Variants in ZNF469 observed in about 807,000 individuals in gnomAD.
The protein encoded by ZNF469 is zinc finger protein 469.
A neutral mutation model predicts 1.0 loss-of-function variants in ZNF469; 1 was observed. The ratio of observed to expected loss-of-function variants is 1.00; its 90% CI spans 0.35 to 4.73. The LOEUF is 4.73. Among genes scored for constraint, ZNF469 ranks in the 30% most tolerant of loss-of-function variants. The pLI, the probability that ZNF469 is intolerant of heterozygous loss-of-function variation, is 0.16. For missense variants in ZNF469, 6,100 were observed against 5,356.3 expected, an observed-to-expected ratio of 1.14 and a Z score of -4.33; for synonymous variants, 2,703 against 2,363.4, an observed-to-expected ratio of 1.14 and a Z score of -4.17.
At chr16:88,337,899 T>C in the ZNF469 span, among the ~76,000 whole-genome samples, 1 of 152,220 alleles carries the variant, frequency 6.6e-6, no homozygotes. Flanking sequence ...CCTTCTCAGA[T>C]GGACGGTTTG....
chr16:88,225,313 T>C, the ZNF469 span, among the ~76,000 whole-genome samples: 3 of 152,254 alleles, frequency 2.0e-5, no homozygotes, highest in Non-Finnish European at 4.4e-5. Context: ...AATCCCTGCA[T>C]TGACTCGATT....
chr16:88,154,993 C>G, the ZNF469 span, among the ~76,000 whole-genome samples: 1 of 152,208 alleles, frequency 6.6e-6, no homozygotes, highest in African/African-American at 2.4e-5. Context: ...CATGAGCCAC[C>G]TGTACGGCAG....
At chr16:88,197,633 T>C in the ZNF469 span, among the ~76,000 whole-genome samples, 18 of 152,270 alleles carry the variant, frequency 1.2e-4, no homozygotes, top group African/African-American at 4.3e-4. Context: ...CTCCCCATGG[T>C]TCCTGGGGCC....
the ZNF469 span, among the ~76,000 whole-genome samples, chr16:88,125,455 G>A: frequency 6.6e-6 from 1 of 152,250 alleles, no homozygotes; most frequent in Non-Finnish European, 1.5e-5. Context: ...GAATCAGCAT[G>A]TCGGTTTCTA....
Position 88,438,915 on chromosome 16 carries a change from G to T in ZNF469, c.11445G>T (p.Thr3815=). ...LGPKEKGESS[T]KRKKGQVPGP... ...CCAAGGAGAAGGGAGAGAGCAGTAC[G>T]AAGAGGAAAAAGGGCCAGGTCCCAG... The change falls in exon 3 of 3, where the codon ACG becomes ACT. Residue 3815 remains threonine (T), a synonymous_variant. Transcript: ENST00000565624. 1 of 1,550,574 alleles carries T rather than the reference G, an allele frequency of 6.4e-7. No individual in the cohort carries two copies. Among genetic ancestry groups the T allele is most frequent in the Non-Finnish European group, 8.7e-7 (1 of 1,146,990 alleles).
chr16:88,365,765 G>A, the ZNF469 span, among the ~76,000 whole-genome samples: 2 of 152,286 alleles, frequency 1.3e-5, no homozygotes, highest in East Asian at 1.9e-4. Flanking sequence ...GGAGTCCTTT[G>A]CAATTACATC....
chr16:88,431,187 A>G lies in ZNF469; in HGVS notation c.3717A>G (p.Thr1239=), dbSNP rs1906151447. ...ETAEESAPDS[T]EFTEALRSPP... is the part of the protein sequence containing the mutation. Reference sequence around the variant, plus strand: ...CCGAAGAGTCAGCCCCGGACAGCACAGAATTCACAGAGGCTTTGCGTTCTC... The same window carrying G: ...CCGAAGAGTCAGCCCCGGACAGCACGGAATTCACAGAGGCTTTGCGTTCTC... The change falls in exon 3 of 3, where the codon ACA becomes ACG. Residue 1239 remains threonine (T), a synonymous_variant. Coordinates refer to ENST00000565624, the MANE Select transcript of ZNF469 (RefSeq NM_001367624.2). 1 of 1,550,336 alleles carries G rather than the reference A, an allele frequency of 6.5e-7. No individual in the cohort carries two copies. The highest frequency in any genetic ancestry group is 8.7e-7 in the Non-Finnish European group (1 of 1,146,978).
In ZNF469 at chr16:88,434,351, G is replaced by A; in HGVS notation, c.6881G>A (p.Gly2294Glu). 1 of 1,550,176 alleles carries A rather than the reference G, an allele frequency of 6.5e-7. No homozygotes were observed. Among genetic ancestry groups the A allele is most frequent in the Non-Finnish European group, 8.7e-7 (1 of 1,146,954 alleles). Residue 2294 changes from glycine to glutamate, a missense_variant, in exon 3 of 3, where the codon GGA becomes GAA. Transcript: ENST00000565624. ...RATGLSSTPT[G>E]DEAQAGRGLP... ...ACTGGCCTGTCCAGCACTCCCACCG[G>A]AGATGAGGCACAGGCAGGCAGGGGA...
At chr16:88,361,286 T>A in the ZNF469 span, among the ~76,000 whole-genome samples, 2 of 152,330 alleles carry the variant, frequency 1.3e-5, no homozygotes, top group East Asian at 3.9e-4. Flanking sequence ...CTTCCCTGGC[T>A]TACCTACTAC....
Position 88,436,814 on chromosome 16 carries a change from A to G in ZNF469, c.9344A>G (p.Tyr3115Cys), listed in dbSNP as rs1385193985. 10 of 1,540,110 alleles carry G rather than the reference A, an allele frequency of 6.5e-6. No homozygotes were observed. Among genetic ancestry groups the G allele is most frequent in the Non-Finnish European group, 8.7e-6 (10 of 1,146,066 alleles). ...GRPAKGRRAS[Y>C]KCKVCFQRFR... ...CCGGCCAAGGGCAGGCGGGCCTCCT[A>G]CAAGTGCAAAGTGTGCTTCCAGCGC... The change falls in exon 3 of 3, where the codon TAC becomes TGC. Residue 3115 changes from tyrosine (Y) to cysteine (C), a missense_variant. Transcript: ENST00000565624.
At chr16:88,248,682 T>C in the ZNF469 span, among the ~76,000 whole-genome samples, 353 of 152,320 alleles carry the variant, frequency 2.3e-3, 1 homozygote, top group African/African-American at 8.3e-3. Context: ...GAACTCAGCA[T>C]CATGGAACTT....
the ZNF469 span, among the ~76,000 whole-genome samples, chr16:88,313,185 T>C: frequency 2.6e-5 from 4 of 152,344 alleles, no homozygotes; most frequent in Middle Eastern, 3.4e-3. Context: ...TTCTGAGATA[T>C]CTTTTTGTTG....
the ZNF469 span, among the ~76,000 whole-genome samples, chr16:88,256,323 T>C: frequency 2.7e-4 from 41 of 152,246 alleles, no homozygotes; most frequent in African/African-American, 9.6e-4. Context: ...TTTTTAAGAC[T>C]GTCTTCTTTG....
At chr16:88,292,798 CAAAAAAAA>C in the ZNF469 span, among the ~76,000 whole-genome samples, 1 of 111,112 alleles carries the variant, frequency 9.0e-6, no homozygotes, top group African/African-American at 3.5e-5. Context: ...CCTGTGTTAT[CAAAAAAAA>C]AAAAAAAAAA....
upstream of ZNF469, among the ~76,000 whole-genome samples, chr16:88,380,790 AT>A (rs2092520536): frequency 1.1e-5 from 1 of 87,900 alleles, no homozygotes; most frequent in African/African-American, 1.3e-4. Flanking sequence ...ACTCACACAC[AT>A]GCACTCACAC....
the ZNF469 span, among the ~76,000 whole-genome samples, chr16:88,329,907 CG>C: frequency 6.6e-6 from 1 of 152,194 alleles, no homozygotes; most frequent in Non-Finnish European, 1.5e-5. Context: ...ACAAGCACCA[CG>C]GGCGCCCACA....
chr16:88,377,659 C>T, the ZNF469 span, among the ~76,000 whole-genome samples: 3 of 152,088 alleles, frequency 2.0e-5, no homozygotes, highest in African/African-American at 7.2e-5. Flanking sequence ...TTCCTCACTC[C>T]CCATCCTCCC....
the ZNF469 span, among the ~76,000 whole-genome samples, chr16:88,247,556 G>C: frequency 6.4e-3 from 831 of 129,200 alleles, 2 homozygotes; most frequent in Non-Finnish European, 0.011. Flanking sequence ...GAATGAATGA[G>C]TGACTGAGTG....
At chr16:88,233,259 G>A in the ZNF469 span, among the ~76,000 whole-genome samples, 1 of 152,216 alleles carries the variant, frequency 6.6e-6, no homozygotes, top group Admixed American at 6.5e-5. Context: ...CTTTGTGTGT[G>A]TAGCCTCGTT....
Sources: allele counts gnomAD v4.1 joint callset (sites outside exome capture counted in the v4.1 genomes callset), GRCh38; gene constraint gnomAD v4.1.1; transcripts MANE v1.5; gene names NCBI Gene and HGNC (gene_info 2026-07-23, HGNC 2026-07-21).